MAPK1IP1L: variants seen among roughly 807,000 people sequenced by gnomAD.
MAPK1IP1L encodes the protein MAPK-interacting and spindle-stabilizing protein-like.
A neutral mutation model predicts 18.1 loss-of-function variants in MAPK1IP1L; 10 were observed. That is an observed-to-expected ratio of 0.55 (90% CI 0.34 to 0.94). The LOEUF (loss-of-function observed/expected upper bound fraction) is 0.94, where lower values mean the gene tolerates loss of function less well. MAPK1IP1L is among the 40% of genes least tolerant of loss of function. The pLI, the probability that MAPK1IP1L is intolerant of heterozygous loss-of-function variation, is 0.02. For missense variants in MAPK1IP1L, 260 were observed against 318.2 expected (o/e 0.82, Z 1.39); for synonymous variants, 115 against 117.3 (o/e 0.98, Z 0.13).
Position 55,066,811 on chromosome 14 carries a change from A to G in MAPK1IP1L, c.*2184A>G, listed in dbSNP as rs2042865348. The G allele has an allele frequency of 6.6e-6, 1 of 152,166 alleles. No homozygotes were observed. The highest frequency in any genetic ancestry group is 2.1e-4 in the South Asian group (1 of 4,830). 9.4% of individuals were successfully genotyped at this position (152,166 alleles called of 1,614,324 possible). On this transcript the variant is annotated 3_prime_UTR_variant, in exon 4 of 4. Transcript: ENST00000395468. ...TCCCTATAAGTATAATAATTTTGCT[A>G]GTGACCCATACTGTCCAGTGTGCCC...
Position 55,065,815 on chromosome 14 carries a change from A to G in MAPK1IP1L, c.*1188A>G, listed in dbSNP as rs1231455947. On this transcript the variant is annotated 3_prime_UTR_variant, in exon 4 of 4. Transcript: ENST00000395468. Reference sequence around the variant, plus strand: ...GTAAAGTGCTTATGGCTAACAGTTCAGTTCTGTATTTGTTGACAGGTAAAT... The same window carrying G: ...GTAAAGTGCTTATGGCTAACAGTTCGGTTCTGTATTTGTTGACAGGTAAAT... 1 of 152,204 alleles carries G rather than the reference A, an allele frequency of 6.6e-6. No individual in the cohort carries two copies. Among genetic ancestry groups the G allele is most frequent in the African/African-American group, 2.4e-5 (1 of 41,446 alleles). The allele number at this position is 152,204 out of a possible 1,614,324, so 9.4% of individuals were successfully genotyped here.
Position 55,058,344 on chromosome 14 carries a change from T to A in MAPK1IP1L, c.-4-3336T>A, listed in dbSNP as rs183899499. Among the ~76,000 whole-genome samples, 8 of 152,254 alleles carry A rather than the reference T, an allele frequency of 5.3e-5. No homozygotes were observed. In the East Asian group the frequency reaches 1.5e-3, roughly 29 times the overall value. On this transcript the variant is annotated intron_variant, in intron 1 of 3. Coordinates refer to ENST00000395468, the MANE Select transcript of MAPK1IP1L (RefSeq NM_144578.4). Reference sequence around the variant, plus strand: ...TCGAGGACCTGCTATAGACTAAAATTTTAAAACCCTGTCCCATATATGAAC... The same window carrying A: ...TCGAGGACCTGCTATAGACTAAAATATTAAAACCCTGTCCCATATATGAAC...
intron 3 of MAPK1IP1L, 107 bp from the exon 4 acceptor site, chr14:55,064,509 T>C (rs2042846883): frequency 1.1e-6 from 1 of 894,442 alleles, no homozygotes; most frequent in South Asian, 1.5e-5. Flanking sequence ...TGATGTGACT[T>C]GCTGTTTGGA....
chr14:55,059,225 G>GAAAAAAAAAAAAAAAAAAAGAAAAATAT (rs2042795688), intron 1 of MAPK1IP1L, among the ~76,000 whole-genome samples: 1 of 63,280 alleles, frequency 1.6e-5, no homozygotes, highest in African/African-American at 5.8e-5. Context: ...AGGAAAATCT[G>GAAAAAAAAAAAAAAAAAAAGAAAAATAT]AAAAAAAAAA....
At position 55,069,253 on chromosome 14, in the gene MAPK1IP1L, T is replaced by C. The variant is rs2042888145; in HGVS notation, c.*4626T>C. ...TGAAATTGTGATTTTTCACTGACAG[T>C]AATGACAAATTTAATGTATGTAATT... On this transcript the variant is annotated 3_prime_UTR_variant, in exon 4 of 4. Transcript: ENST00000395468. 6.6e-6 allele frequency: 1 copy of C among 152,656 alleles called. No individual in the cohort carries two copies. The highest frequency in any genetic ancestry group is 2.4e-5 in the African/African-American group (1 of 41,470). The allele number at this position is 152,656 out of a possible 1,614,324, so 9.5% of individuals were successfully genotyped here.
At position 55,067,094 on chromosome 14, in the gene MAPK1IP1L, T is replaced by TG; in HGVS notation, c.*2471dup. ...TTTTTTTTTTTTTTTTTAGTAGAGA[T>TG]GGGGTTTCACTGTGTTAGCCAGGAT... On this transcript the variant is annotated 3_prime_UTR_variant, in exon 4 of 4. Transcript: ENST00000395468. 7.1e-6 allele frequency: 1 copy of TG among 139,968 alleles called. No individual in the cohort carries two copies. The highest frequency in any genetic ancestry group is 2.6e-5 in the African/African-American group (1 of 37,758). The allele number at this position is 139,968 out of a possible 1,614,324, so 8.7% of individuals were successfully genotyped here.
chr14:55,062,948 C>T lies in MAPK1IP1L; in HGVS notation c.349C>T (p.Pro117Ser), dbSNP rs1267873584. 6.2e-7 allele frequency: 1 copy of T among 1,613,730 alleles called. No individual in the cohort carries two copies. The highest frequency in any genetic ancestry group is 8.5e-7 in the Non-Finnish European group (1 of 1,179,658). Residue 117 changes from proline (P) to serine (S), a missense_variant, in exon 3 of 4, where the codon CCT becomes TCT. By Grantham distance (74) the Pro-to-Ser change is moderately conservative (BLOSUM62 -1). Coordinates refer to ENST00000395468, the MANE Select transcript of MAPK1IP1L (RefSeq NM_144578.4). ...VPGPGPTGPY[P>S]TPNMPFPELP... The stretch of plus-strand genomic sequence containing the variant: ...GGGCCCTGGCCCCACAGGGCCATAT[C>T]CTACACCAAATATGCCCTTTCCAGA...
At chr14:55,053,757 C>T (rs1014900715) in intron 1 of MAPK1IP1L, among the ~76,000 whole-genome samples, 2 of 152,202 alleles carry the variant, frequency 1.3e-5, no homozygotes, top group African/African-American at 4.8e-5. Context: ...CCGCCCTCTA[C>T]TCCCGGCTCT....
At chr14:55,056,917 A>G (rs2042776886) in intron 1 of MAPK1IP1L, among the ~76,000 whole-genome samples, 1 of 152,202 alleles carries the variant, frequency 6.6e-6, no homozygotes, top group Non-Finnish European at 1.5e-5. Flanking sequence ...ATAATTAGAA[A>G]TAAGATGCTA....
chr14:55,066,778 A>G lies in MAPK1IP1L; in HGVS notation c.*2151A>G, dbSNP rs1487749869. 1.3e-5 allele frequency: 2 copies of G among 152,134 alleles called. No individual in the cohort carries two copies. The highest frequency in any genetic ancestry group is 1.3e-4 in the Admixed American group (2 of 15,262). The allele number at this position is 152,134 out of a possible 1,614,324, so 9.4% of individuals were successfully genotyped here. Reference sequence around the variant, plus strand: ...TGAAGGGCCATGAACACAATTTGGGATTATTACTCCCTATAAGTATAATAA... The same window carrying G: ...TGAAGGGCCATGAACACAATTTGGGGTTATTACTCCCTATAAGTATAATAA... On this transcript the variant is annotated 3_prime_UTR_variant, in exon 4 of 4. Transcript: ENST00000395468.
intron 1 of MAPK1IP1L, among the ~76,000 whole-genome samples, chr14:55,055,725 G>A (rs1359219589): frequency 6.6e-6 from 1 of 152,140 alleles, no homozygotes; most frequent in Admixed American, 6.5e-5. Context: ...GAGGCCAGGA[G>A]TTTGAGACCA....
chr14:55,064,551 A>C (rs2042847134), intron 3 of MAPK1IP1L, 65 bp from the exon 4 acceptor site: 2 of 1,392,940 alleles, frequency 1.4e-6, no homozygotes, highest in African/African-American at 1.4e-5. Context: ...TTTAAGCCAC[A>C]GTAAGGAGTT....
In MAPK1IP1L at chr14:55,062,148, T is replaced by C. The variant is rs79390132; in HGVS notation, c.18+447T>C. 8.3e-3 allele frequency among the ~76,000 whole-genome samples: 1,267 copies of C among 152,348 alleles called. 24 individuals carry two copies. Among genetic ancestry groups the C allele is most frequent in the South Asian group, 0.045 (218 of 4,830 alleles). On this transcript the variant is annotated intron_variant, in intron 2 of 3. Transcript: ENST00000395468. ...GATAGTATTAATAGCCAACATTTAT[T>C]AGAAATTATTATATACCAGGCACTC...
chr14:55,062,397 C>T (rs2042824508), intron 2 of MAPK1IP1L, among the ~76,000 whole-genome samples: 1 of 152,132 alleles, frequency 6.6e-6, no homozygotes, highest in Non-Finnish European at 1.5e-5. Flanking sequence ...ATTTAGAAAA[C>T]GAGTTTCTCT....
intron 1 of MAPK1IP1L, among the ~76,000 whole-genome samples, chr14:55,056,363 T>C (rs1343809158): frequency 6.6e-6 from 1 of 152,204 alleles, no homozygotes; most frequent in Non-Finnish European, 1.5e-5. Context: ...ACAGAATCAT[T>C]TTCTATTTCA....
intron 1 of MAPK1IP1L, among the ~76,000 whole-genome samples, chr14:55,057,428 AAACTT>A (rs2042780222): frequency 6.6e-6 from 1 of 152,226 alleles, no homozygotes; most frequent in Admixed American, 6.5e-5. Flanking sequence ...AAACATCACT[AAACTT>A]TTAAATAAAA....
At chr14:55,061,762 TA>T in intron 2 of MAPK1IP1L, 61 bp downstream of exon 2, 1 of 1,312,774 alleles carries the variant, frequency 7.6e-7, no homozygotes, top group South Asian at 1.4e-5. Context: ...AACATGGTCC[TA>T]ACTGGGCTAC....
At chr14:55,057,766 AAAATTT>A (rs2042783295) in intron 1 of MAPK1IP1L, among the ~76,000 whole-genome samples, 1 of 152,018 alleles carries the variant, frequency 6.6e-6, no homozygotes, top group African/African-American at 2.4e-5. Flanking sequence ...AAAAAAAAAA[AAAATTT>A]AAATGATTTC....
At chr14:55,057,809 C>G (rs1181586597) in intron 1 of MAPK1IP1L, among the ~76,000 whole-genome samples, 1 of 151,704 alleles carries the variant, frequency 6.6e-6, no homozygotes, top group African/African-American at 2.4e-5. Context: ...AATTAGCATG[C>G]CTATGGTCCC....
Sources: gnomAD v4.1 joint callset for allele counts (sites outside exome capture counted in the v4.1 genomes callset) on GRCh38, gnomAD v4.1.1 for gene constraint, MANE v1.5 for transcripts, NCBI Gene and HGNC (gene_info 2026-07-23, HGNC 2026-07-21) for gene names.